The following PALLD variants were observed in gnomAD, a reference collection of about 807,000 sequenced individuals.
PALLD encodes the protein palladin, cytoskeletal associated protein.
A neutral mutation model predicts 123.5 loss-of-function variants in PALLD; 61 were observed. That is an observed-to-expected ratio of 0.49 (90% CI 0.40 to 0.61). The LOEUF (loss-of-function observed/expected upper bound fraction) is 0.61, where lower values mean the gene tolerates loss of function less well. Ranked by LOEUF, PALLD falls within the 20% of genes least tolerant of loss-of-function variation. The pLI is 0.00. For missense variants in PALLD, 1,273 were observed against 1,377.0 expected (o/e 0.92, Z 1.20); for synonymous variants, 465 against 496.4 (o/e 0.94, Z 0.84).
At chr4:168,502,104 G>T (rs1202775108) in intron 1 of PALLD, among the ~76,000 whole-genome samples, 1 of 152,144 alleles carries the variant, frequency 6.6e-6, no homozygotes, top group Non-Finnish European at 1.5e-5. Context: ...TATGAAAGAG[G>T]TGCCTAGCAC....
At chr4:168,639,544 C>CTTTT (rs35142519) in intron 2 of PALLD, among the ~76,000 whole-genome samples, 1 of 141,158 alleles carries the variant, frequency 7.1e-6, no homozygotes, top group South Asian at 2.2e-4. Flanking sequence ...GGCCATTCAA[C>CTTTT]TTTTTTTTTT....
chr4:168,723,891 CTTT>C (rs59055427), intron 10 of PALLD, among the ~76,000 whole-genome samples: 5 of 111,770 alleles, frequency 4.5e-5, no homozygotes, highest in African/African-American at 1.8e-4. Context: ...TTGAGTTGGG[CTTT>C]TTTTTTTTTT....
At chr4:168,834,850 C>T (rs1744893538) in intron 10 of PALLD, among the ~76,000 whole-genome samples, 1 of 152,156 alleles carries the variant, frequency 6.6e-6, no homozygotes, top group African/African-American at 2.4e-5. Context: ...ATTTGGACTA[C>T]CTTTGAGGGT....
chr4:168,662,344 T>G (rs1378581761), intron 2 of PALLD, among the ~76,000 whole-genome samples: 1 of 152,186 alleles, frequency 6.6e-6, no homozygotes, highest in South Asian at 2.1e-4. Context: ...AAACAGGGCT[T>G]TCAGGATCTG....
intron 10 of PALLD, among the ~76,000 whole-genome samples, chr4:168,758,565 C>T (rs1408132368): frequency 6.6e-6 from 1 of 152,064 alleles, no homozygotes; most frequent in African/African-American, 2.4e-5. Flanking sequence ...GAACCATAAA[C>T]CTCTCCCTGT....
intron 4 of PALLD, among the ~76,000 whole-genome samples, chr4:168,682,599 A>G (rs548528990): frequency 4.6e-5 from 7 of 152,372 alleles, no homozygotes; most frequent in Non-Finnish European, 1.0e-4. Context: ...TGAGTTAAAT[A>G]TAGGACCCTA....
At chr4:168,702,232 G>GA (rs888684109) in intron 8 of PALLD, among the ~76,000 whole-genome samples, 14 of 152,018 alleles carry the variant, frequency 9.2e-5, no homozygotes, top group African/African-American at 2.9e-4. Context: ...ATCAGCTCTA[G>GA]AAAAAAAGAA....
intron 10 of PALLD, among the ~76,000 whole-genome samples, chr4:168,783,044 A>ATGTGTGTGTGTG (rs373278434): frequency 1.3e-3 from 108 of 82,282 alleles, no homozygotes; most frequent in African/African-American, 3.4e-3. Flanking sequence ...TTTTATATAT[A>ATGTGTGTGTGTG]TATGTGTGTG....
At position 168,568,948 on chromosome 4, in the gene PALLD, TTAGA is replaced by T. The variant is rs1768689093; in HGVS notation, c.908+56542_908+56545del. On this transcript the variant is annotated intron_variant, in intron 2 of 21. Transcript: ENST00000505667. ...TAGGAAAACATTTAAGTGTGATCTT[TTAGA>T]TAGATGTGCCTTCCTGAAGAAGGAA... Among the ~76,000 whole-genome samples, 2 of 152,022 alleles carry T rather than the reference TTAGA, an allele frequency of 1.3e-5. 1 individual carries two copies. Among genetic ancestry groups the T allele is most frequent in the South Asian group, 4.1e-4 (2 of 4,826 alleles).
chr4:168,673,887 G>GCT (rs1412135061), intron 3 of PALLD, among the ~76,000 whole-genome samples: 5 of 83,732 alleles, frequency 6.0e-5, no homozygotes, highest in Admixed American at 6.0e-4. Flanking sequence ...TTTTGAACGT[G>GCT]CTGTGTGTGT....
rs1582272473 is a variant in PALLD at position 168,927,923 on chromosome 4, A to T, written c.*1743A>T. 1 of 201,284 alleles carries T rather than the reference A, an allele frequency of 5.0e-6. No homozygotes were observed. Among genetic ancestry groups the T allele is most frequent in the East Asian group, 7.8e-5 (1 of 12,878 alleles). The allele number at this position is 201,284 out of a possible 1,614,324, so 12.5% of individuals were successfully genotyped here. On this transcript the variant is annotated 3_prime_UTR_variant, in exon 22 of 22. Transcript: ENST00000505667. ...AAAACACATGTATCTTTCATTATTT[A>T]TAAGTGGCCTCTCTTAGCTCAGTTA...
At chr4:168,897,209 C>G (rs536137065) in intron 13 of PALLD, among the ~76,000 whole-genome samples, 2 of 152,066 alleles carry the variant, frequency 1.3e-5, no homozygotes, top group Admixed American at 1.3e-4. Flanking sequence ...TTATATATAC[C>G]TTTCTATGGG....
chr4:168,774,721 G>A (rs1734935209), intron 10 of PALLD, among the ~76,000 whole-genome samples: 1 of 55,986 alleles, frequency 1.8e-5, no homozygotes, highest in Non-Finnish European at 2.8e-5. Flanking sequence ...GAGCAAGACT[G>A]CATCTCAAAA....
At chr4:168,704,643 C>A (rs1037950035) in intron 8 of PALLD, among the ~76,000 whole-genome samples, 19 of 122,726 alleles carry the variant, frequency 1.5e-4, no homozygotes, top group Admixed American at 2.2e-4. Context: ...CCAGCCTGGG[C>A]GACAGCACGA....
At chr4:168,776,150 A>G (rs1735143289) in intron 10 of PALLD, among the ~76,000 whole-genome samples, 2 of 152,218 alleles carry the variant, frequency 1.3e-5, no homozygotes, top group South Asian at 2.1e-4. Flanking sequence ...AAAACATTGC[A>G]TCTCATGTCT....
intron 2 of PALLD, among the ~76,000 whole-genome samples, chr4:168,619,032 C>T (rs1034963007): frequency 9.8e-5 from 15 of 152,308 alleles, no homozygotes; most frequent in South Asian, 4.1e-4. Context: ...CGAGCCATGA[C>T]GAGGCCTGCT....
rs1491282857 is a variant in PALLD at position 168,719,251 on chromosome 4, T to TC, written c.1964+7329dup. ...CCTAAGTAATTATCAAAAGTAATCT[T>TC]CTTTTTTTTTTTTTTTTTTTTTTTG... On this transcript the variant is annotated intron_variant, in intron 10 of 21. Coordinates refer to ENST00000505667, the MANE Select transcript of PALLD (RefSeq NM_001166108.2). Among the ~76,000 whole-genome samples the TC allele has an allele frequency of 5.7e-3, 708 of 123,306 alleles. 5 individuals are homozygous for TC. The highest frequency in any genetic ancestry group is 0.021 in the African/African-American group (666 of 31,310). The allele number at this position is 123,306 out of a possible 152,430, so 80.9% of individuals were successfully genotyped here. A position where few individuals can be genotyped will look rare whatever the true frequency, so the allele number is the denominator to read the frequency against.
intron 4 of PALLD, among the ~76,000 whole-genome samples, chr4:168,681,785 C>T (rs917227964): frequency 6.6e-6 from 1 of 151,914 alleles, no homozygotes; most frequent in African/African-American, 2.4e-5. Flanking sequence ...TGGACTCAAG[C>T]GATCCTCCTG....
chr4:168,647,203 TAA>T (rs1455546474), intron 2 of PALLD, among the ~76,000 whole-genome samples: 1 of 152,176 alleles, frequency 6.6e-6, no homozygotes, highest in Non-Finnish European at 1.5e-5. Flanking sequence ...CTTAAAAATG[TAA>T]AGATTAGACA....
Sources: gnomAD v4.1 joint callset for allele counts (sites outside exome capture counted in the v4.1 genomes callset) on GRCh38, gnomAD v4.1.1 for gene constraint, MANE v1.5 for transcripts, NCBI Gene and HGNC (gene_info 2026-07-23, HGNC 2026-07-21) for gene names.